The following ZBP1 variants were observed in gnomAD, a reference collection of about 807,000 sequenced individuals.
ZBP1 encodes the protein Z-DNA binding protein 1.
ZBP1 carries 42 observed loss-of-function variants against 41.1 expected under a neutral mutation model. The ratio of observed to expected loss-of-function variants is 1.02; its 90% CI spans 0.80 to 1.32. The LOEUF (loss-of-function observed/expected upper bound fraction) is 1.32. Ranked by LOEUF, ZBP1 falls within the 40% of genes most tolerant of loss-of-function variation. The probability of loss-of-function intolerance (pLI) is 0.00; values close to 1 mark genes in which losing one functional copy is unlikely to be tolerated. For missense variants in ZBP1, 562 were observed against 549.7 expected (o/e 1.02, Z -0.22); for synonymous variants, 214 against 205.2 (o/e 1.04, Z -0.37).
In ZBP1 at chr20:57,610,052, G is replaced by C; in HGVS notation, c.1093+97C>G. 2.2e-6 allele frequency: 3 copies of C among 1,367,320 alleles called. No homozygotes were observed. The South Asian group carries it at 3.9e-5, about 18-fold the overall frequency. 84.7% of individuals were successfully genotyped at this position (1,367,320 alleles called of 1,614,324 possible). On this transcript the variant is annotated intron_variant, in intron 7 of 7. Transcript: ENST00000371173. This position sits in a 1 kb window ranked among gnomAD's most constrained non-coding sequence, Gnocchi z 5.5. ...ACAGCCTCCAGACTCCGGGAAACCA[G>C]AGATTAGCGAATGATCGATGAGAGT...
intron 1 of ZBP1, among the ~76,000 whole-genome samples, chr20:57,618,793 C>A (rs2070916248): frequency 6.6e-6 from 1 of 152,074 alleles, no homozygotes; most frequent in Non-Finnish European, 1.5e-5. Context: ...TTTGGCCAGG[C>A]TGGTGTCAAA....
rs1436819313 is a variant in ZBP1 at position 57,616,636 on chromosome 20, C to G, written c.35-168G>C. On this transcript the variant is annotated intron_variant, in intron 1 of 7. Transcript: ENST00000371173. ...ATGCCCCCTAAGAGCAGTAGGGCAG[C>G]TGCATCTGCCCAGAGGGAGGCATGC... is the stretch of plus-strand genomic sequence containing the variant. 24 of 655,128 alleles carry G rather than the reference C, an allele frequency of 3.7e-5. No homozygotes were observed. In the East Asian group the frequency reaches 6.6e-4, roughly 18 times the overall value. The allele number at this position is 655,128 out of a possible 1,614,324, so 40.6% of individuals were successfully genotyped here.
chr20:57,604,696 G>A lies in ZBP1; in HGVS notation c.1167C>T (p.His389=). The A allele has an allele frequency of 1.9e-6, 3 of 1,614,190 alleles. No individual in the cohort carries two copies. Among genetic ancestry groups the A allele is most frequent in the Non-Finnish European group, 2.5e-6 (3 of 1,180,050 alleles). ...RDIGQPITPS[H]SKLTPKLETM... ...TTTCCAGCTTGGGGGTGAGCTTCGAGTGGCTGGGAGTGATGGGCTGACCAA... is the reference window on the plus strand; with the variant it reads ...TTTCCAGCTTGGGGGTGAGCTTCGAATGGCTGGGAGTGATGGGCTGACCAA... The change falls in exon 8 of 8, where the codon CAC becomes CAT. Residue 389 remains histidine, a synonymous_variant. Transcript: ENST00000371173.
rs3068061 is a variant in ZBP1, at chr20:57,611,411, ATTTTTTTT to A, written c.874+308_874+315del. Among the ~76,000 whole-genome samples the A allele has an allele frequency of 4.5e-4, 43 of 95,144 alleles. 1 individual carries two copies. Among genetic ancestry groups the A allele is most frequent in the Non-Finnish European group, 1.9e-5 (1 of 51,840 alleles). The allele number at this position is 95,144 out of a possible 152,430, so 62.4% of individuals were successfully genotyped here. A position where few individuals can be genotyped will look rare whatever the true frequency, so the allele number is the denominator to read the frequency against. On this transcript the variant is annotated intron_variant, in intron 6 of 7. Transcript: ENST00000371173. ...AGGCGCAAGCCACCATGCCCGGTTA[ATTTTTTTT>A]TTTTTTTTTTTTGTATTTTTGATAG... is the stretch of plus-strand genomic sequence containing the variant.
intron 5 of ZBP1, among the ~76,000 whole-genome samples, chr20:57,612,732 T>G (rs1458589318): frequency 2.0e-5 from 3 of 152,202 alleles, no homozygotes; most frequent in Admixed American, 6.5e-5. Flanking sequence ...TGTTAAAATG[T>G]GGGGGAAAGT....
chr20:57,613,130 G>A lies in ZBP1; in HGVS notation c.670+33C>T. ...AGAGGATCCGGTGGCTCCCCACCGA[G>A]GTCCCCTCCCTGGGCTCTCTTGGGT... On this transcript the variant is annotated intron_variant, in intron 5 of 7. Coordinates refer to ENST00000371173, the MANE Select transcript of ZBP1 (RefSeq NM_030776.3). The surrounding 1 kb of genome is among the most constrained non-coding windows in gnomAD (Gnocchi z 4.5). 1 of 1,613,872 alleles carries A rather than the reference G, an allele frequency of 6.2e-7. No homozygotes were observed. The highest frequency in any genetic ancestry group is 8.5e-7 in the Non-Finnish European group (1 of 1,179,886).
chr20:57,611,588 C>T (rs918105526), intron 6 of ZBP1, 139 bp downstream of exon 6: 4 of 989,918 alleles, frequency 4.0e-6, no homozygotes, highest in Admixed American at 2.6e-5. Context: ...CCCACCTGCT[C>T]TACTCTGGTT....
rs761779359 is a variant in ZBP1, at chr20:57,613,042, C to A, written c.670+121G>T. On this transcript the variant is annotated intron_variant, in intron 5 of 7. Transcript: ENST00000371173. This position sits in a 1 kb window ranked among gnomAD's most constrained non-coding sequence, Gnocchi z 4.5. ...AAGGTGGACTGTGGGGGTCTGGAAG[C>A]AACCCTTTCCCCTTGGAGGGCAGAA... 66 of 1,532,292 alleles carry A rather than the reference C, an allele frequency of 4.3e-5. No individual in the cohort carries two copies. Among genetic ancestry groups the A allele is most frequent in the Non-Finnish European group, 5.6e-5 (64 of 1,139,182 alleles). The allele number at this position is 1,532,292 out of a possible 1,614,324, so 94.9% of individuals were successfully genotyped here.
rs772775763 is a variant in ZBP1 at position 57,610,380 on chromosome 20, G to A, written c.875-13C>T. 1 of 1,613,814 alleles carries A rather than the reference G, an allele frequency of 6.2e-7. No homozygotes were observed. Among genetic ancestry groups the A allele is most frequent in the Non-Finnish European group, 8.5e-7 (1 of 1,179,724 alleles). On this transcript the variant is annotated splice_polypyrimidine_tract_variant and intron_variant, in intron 6 of 7. Coordinates refer to ENST00000371173, the MANE Select transcript of ZBP1 (RefSeq NM_030776.3). This position sits in a 1 kb window ranked among gnomAD's most constrained non-coding sequence, Gnocchi z 5.5. ...GCAGTGGCAGAGACTGTGGGTCAAA[G>A]GGAGAGAGGCCTGGAGCCAGGAGCA...
At chr20:57,620,107 A>T (rs1034004615) in intron 1 of ZBP1, 155 bp downstream of exon 1, 2 of 876,350 alleles carry the variant, frequency 2.3e-6, no homozygotes, top group East Asian at 5.7e-5. Context: ...AAGTGCTGGG[A>T]TTACAGGCGT....
At chr20:57,615,274 T>C (rs2070787744) in intron 3 of ZBP1, 1 of 679,136 alleles carries the variant, frequency 1.5e-6, no homozygotes, top group Non-Finnish European at 2.5e-6. Flanking sequence ...GGGCCTGGCA[T>C]GTGGCGGGTG....
chr20:57,604,651 C>G lies in ZBP1; in HGVS notation c.1212G>C (p.Arg404Ser), dbSNP rs1253551831. 5.0e-6 allele frequency: 8 copies of G among 1,614,172 alleles called. No individual in the cohort carries two copies. The highest frequency in any genetic ancestry group is 6.8e-6 in the Non-Finnish European group (8 of 1,180,040). ...PKLETMTLGN[R>S]SHKAAEGSHY... is the part of the protein sequence containing the mutation. The stretch of plus-strand genomic sequence containing the variant: ...GGCTGCCTTCTGCAGCTTTGTGACT[C>G]CTGTTTCCAAGAGTCATAGTTTCCA... Residue 404 changes from arginine (R) to serine (S), a missense_variant, in exon 8 of 8, where the codon AGG becomes AGC. Coordinates refer to ENST00000371173, the MANE Select transcript of ZBP1 (RefSeq NM_030776.3).
chr20:57,618,953 G>T (rs1429437870), intron 1 of ZBP1, among the ~76,000 whole-genome samples: 1 of 152,254 alleles, frequency 6.6e-6, no homozygotes, highest in Non-Finnish European at 1.5e-5. Flanking sequence ...GGAGATGGGG[G>T]TCAGAGGTGT....
chr20:57,605,979 T>C (rs951352137), intron 7 of ZBP1, among the ~76,000 whole-genome samples: 1 of 152,148 alleles, frequency 6.6e-6, no homozygotes, highest in South Asian at 2.1e-4. Context: ...ACGGCCTCTA[T>C]GTGCTAAAGT....
intron 7 of ZBP1, among the ~76,000 whole-genome samples, chr20:57,608,207 C>T (rs907435269): frequency 3.9e-5 from 6 of 152,056 alleles, no homozygotes; most frequent in South Asian, 2.1e-4. Flanking sequence ...CTGCAAGCTC[C>T]GCCTCCCAGG....
At position 57,614,748 on chromosome 20, in the gene ZBP1, C is replaced by T. The variant is rs1480264474; in HGVS notation, c.502+139G>A. On this transcript the variant is annotated intron_variant, in intron 4 of 7. Transcript: ENST00000371173. ...AGCACACCCCTTCCTCCTGGAAGCC[C>T]TTGCAGTGAATTGTCGGTAGGACCT... is the stretch of plus-strand genomic sequence containing the variant. The T allele has an allele frequency of 6.0e-6, 7 of 1,163,340 alleles. No homozygotes were observed. In the East Asian group the frequency reaches 1.4e-4, roughly 24 times the overall value. The allele number at this position is 1,163,340 out of a possible 1,614,324, so 72.1% of individuals were successfully genotyped here.
chr20:57,604,068 T>G lies in ZBP1; in HGVS notation c.*505A>C. 5.0e-6 allele frequency: 1 copy of G among 200,584 alleles called. No homozygotes were observed. The highest frequency in any genetic ancestry group is 1.0e-5 in the Non-Finnish European group (1 of 97,300). 12.4% of individuals were successfully genotyped at this position (200,584 alleles called of 1,614,324 possible). ...ATTTTTTTTTTTAGTAGAGACGGGG[T>G]TTCACCATGTTAGCCAGGACGGTCT... On this transcript the variant is annotated 3_prime_UTR_variant, in exon 8 of 8. Transcript: ENST00000371173.
In ZBP1 at chr20:57,612,981, T is replaced by G. The variant is rs1600734986; in HGVS notation, c.670+182A>C. On this transcript the variant is annotated intron_variant, in intron 5 of 7. Coordinates refer to ENST00000371173, the MANE Select transcript of ZBP1 (RefSeq NM_030776.3). The stretch of plus-strand genomic sequence containing the variant: ...CAGAGTACAGGGAAATCAGGAGAGC[T>G]TTGATCCAGGTGTCCTCATTCTCAG... 31 of 1,445,048 alleles carry G rather than the reference T, an allele frequency of 2.1e-5. 1 individual carries two copies. The East Asian group carries it at 7.7e-4, about 36-fold the overall frequency. 89.5% of individuals were successfully genotyped at this position (1,445,048 alleles called of 1,614,324 possible).
At chr20:57,609,240 C>T (rs932843311) in intron 7 of ZBP1, among the ~76,000 whole-genome samples, 1 of 152,234 alleles carries the variant, frequency 6.6e-6, no homozygotes, top group African/African-American at 2.4e-5. Flanking sequence ...CAGCTGCCCC[C>T]ACCCGAGGCC....
Sources: gnomAD v4.1 joint callset for allele counts (sites outside exome capture counted in the v4.1 genomes callset) on GRCh38, gnomAD v4.1.1 for gene constraint, Gnocchi (gnomAD v3.1) non-coding constraint, MANE v1.5 for transcripts, NCBI Gene and HGNC (gene_info 2026-07-23, HGNC 2026-07-21) for gene names.